RGPD2: variants seen among roughly 807,000 people sequenced by gnomAD.
RGPD2 encodes the protein RANBP2 like and GRIP domain containing 2.
Under a neutral mutation model 36.0 loss-of-function variants are expected in RGPD2, and 2 were observed. The observed-to-expected ratio is 0.06, with a 90% CI of 0.02 to 0.17. RGPD2 has a LOEUF of 0.17. Ranked by LOEUF, RGPD2 falls within the 10% of genes least tolerant of loss-of-function variation. The pLI, the probability that RGPD2 is intolerant of heterozygous loss-of-function variation, is 1.00. For synonymous variants in RGPD2, 19 were observed against 163.8 expected (o/e 0.12, Z 6.75); for missense variants, 40 against 464.3 (o/e 0.09, Z 8.40).
chr2:87,922,306 A>C, the RGPD2 span, among the ~76,000 whole-genome samples: 1 of 151,844 alleles, frequency 6.6e-6, no homozygotes, highest in Non-Finnish European at 1.5e-5. Flanking sequence ...AAAAAAAAAA[A>C]AAAAAAAAAC....
At chr2:87,832,964 ATAACAT>A in the RGPD2 span, among the ~76,000 whole-genome samples, 1 of 143,084 alleles carries the variant, frequency 7.0e-6, no homozygotes, top group Non-Finnish European at 1.6e-5. Context: ...ATAAATAAAT[ATAACAT>A]AGTAAAAGAA....
intron 4 of RGPD2, among the ~76,000 whole-genome samples, chr2:87,813,800 C>T (rs1259535381): frequency 2.2e-5 from 3 of 135,448 alleles, no homozygotes; most frequent in South Asian, 4.9e-4. Context: ...ATGTCAGAAA[C>T]TGTTTACCTT....
the RGPD2 span, among the ~76,000 whole-genome samples, chr2:87,857,763 C>T: frequency 2.7e-5 from 4 of 146,698 alleles, no homozygotes; most frequent in African/African-American, 1.0e-4. Flanking sequence ...ACGGTGAAAC[C>T]CCATCTCTAC....
At chr2:87,826,244 T>C (rs1254845811), upstream of RGPD2, among the ~76,000 whole-genome samples, 1 of 151,702 alleles carries the variant, frequency 6.6e-6, no homozygotes, top group Non-Finnish European at 1.5e-5. Context: ...AATCTGATTC[T>C]AAAATATACT....
chr2:87,985,891 T>C, the RGPD2 span: 1 of 1,602,998 alleles, frequency 6.2e-7, no homozygotes, highest in Non-Finnish European at 8.5e-7. Context: ...AGGATAAACT[T>C]AATTGTTTGC....
the RGPD2 span, among the ~76,000 whole-genome samples, chr2:87,852,713 T>C: frequency 5.9e-5 from 9 of 152,388 alleles, no homozygotes; most frequent in Non-Finnish European, 8.8e-5. Flanking sequence ...CAGAATGTTC[T>C]TCTAGATATA....
the RGPD2 span, among the ~76,000 whole-genome samples, chr2:87,841,923 G>A: frequency 1.1e-3 from 161 of 142,910 alleles, no homozygotes; most frequent in African/African-American, 3.9e-3. Flanking sequence ...ATCAATAAAT[G>A]TAATCCAGCA....
the RGPD2 span, among the ~76,000 whole-genome samples, chr2:87,921,509 GA>G: frequency 6.6e-6 from 1 of 152,060 alleles, no homozygotes; most frequent in Non-Finnish European, 1.5e-5. Context: ...GCAGGAACTT[GA>G]AAAAAAGTTC....
chr2:87,856,719 A>T, the RGPD2 span, among the ~76,000 whole-genome samples: 1 of 152,226 alleles, frequency 6.6e-6, no homozygotes, highest in Non-Finnish European at 1.5e-5. Flanking sequence ...TTCCCTAAAA[A>T]TACATTTTGG....
the RGPD2 span, among the ~76,000 whole-genome samples, chr2:87,974,048 A>G: frequency 6.6e-6 from 1 of 152,126 alleles, no homozygotes; most frequent in East Asian, 1.9e-4. Context: ...GCATCAATGC[A>G]CAAGAGAACA....
chr2:87,927,736 A>G, the RGPD2 span, among the ~76,000 whole-genome samples: 20 of 151,612 alleles, frequency 1.3e-4, no homozygotes, highest in African/African-American at 4.8e-4. Flanking sequence ...AAACCTACTT[A>G]TAGTTTAAAA....
chr2:87,913,111 G>T, the RGPD2 span, among the ~76,000 whole-genome samples: 1 of 152,090 alleles, frequency 6.6e-6, no homozygotes, highest in Admixed American at 6.6e-5. Flanking sequence ...TGGCTTTTTA[G>T]GAAATGTGCT....
chr2:87,952,854 A>G, the RGPD2 span, among the ~76,000 whole-genome samples: 13 of 151,258 alleles, frequency 8.6e-5, no homozygotes, highest in Non-Finnish European at 1.6e-4. Context: ...TTGGCAGGGT[A>G]GGTTTCTTTC....
At chr2:87,857,713 C>A in the RGPD2 span, among the ~76,000 whole-genome samples, 2 of 149,242 alleles carry the variant, frequency 1.3e-5, no homozygotes, top group Non-Finnish European at 2.9e-5. Flanking sequence ...CCAAGGTGGG[C>A]TGATCACAAA....
intron 8 of RGPD2, among the ~76,000 whole-genome samples, chr2:87,798,796 A>G (rs1685791209): frequency 9.0e-6 from 1 of 110,854 alleles, no homozygotes; most frequent in Non-Finnish European, 2.0e-5. Flanking sequence ...TGAACCCGGG[A>G]GGCGGAGCTT....
chr2:87,937,089 C>T, the RGPD2 span, among the ~76,000 whole-genome samples: 16 of 151,766 alleles, frequency 1.1e-4, no homozygotes, highest in African/African-American at 3.9e-4. Context: ...ATAATTAAAA[C>T]ACAATGTAAT....
chr2:87,866,883 G>C, the RGPD2 span, among the ~76,000 whole-genome samples: 2 of 152,254 alleles, frequency 1.3e-5, no homozygotes, highest in African/African-American at 4.8e-5. Context: ...TCCTCCCCGG[G>C]CGAGAGGTCC....
chr2:87,974,862 C>A, the RGPD2 span, among the ~76,000 whole-genome samples: 50 of 152,084 alleles, frequency 3.3e-4, 1 homozygote, highest in African/African-American at 1.2e-3. Context: ...ACCTAAATTA[C>A]CACAGCAGTT....
At chr2:87,864,867 A>T in the RGPD2 span, among the ~76,000 whole-genome samples, 1 of 152,238 alleles carries the variant, frequency 6.6e-6, no homozygotes, top group Admixed American at 6.5e-5. Context: ...CCTTTGTTAG[A>T]TACATGGTAT....
Sources: gnomAD v4.1 joint callset for allele counts (sites outside exome capture counted in the v4.1 genomes callset) on GRCh38, gnomAD v4.1.1 for gene constraint, MANE v1.5 for transcripts, NCBI Gene and HGNC (gene_info 2026-07-23, HGNC 2026-07-21) for gene names.